MDN1: variants seen among roughly 807,000 people sequenced by gnomAD.
MDN1 encodes midasin AAA ATPase 1, also known as midasin.
In MDN1, 266 loss-of-function variants were observed where a neutral mutation model predicts 669.2. That is an observed-to-expected ratio of 0.40 (90% CI 0.36 to 0.44). The LOEUF is 0.44. Among genes scored for constraint, MDN1 ranks in the 20% least tolerant of loss-of-function variants. The pLI, the probability that MDN1 is intolerant of heterozygous loss-of-function variation, is 1.00. For missense variants in MDN1, 5,940 were observed against 6,754.0 expected (o/e 0.88, Z 4.22); for synonymous variants, 2,385 against 2,457.1 (o/e 0.97, Z 0.87).
intron 9 of MDN1, among the ~76,000 whole-genome samples, chr6:89,783,425 G>A (rs144475717): frequency 4.5e-4 from 69 of 152,082 alleles, no homozygotes; most frequent in African/African-American, 1.4e-3. Context: ...TGGTCAGACC[G>A]GTCTGTTGTT....
Position 89,785,066 on chromosome 6 carries a change from G to A in MDN1, c.1395C>T (p.Asp465=). Residue 465 remains aspartate (D), a synonymous_variant, in exon 9 of 102, where the codon GAC becomes GAT. Coordinates refer to ENST00000369393, the MANE Select transcript of MDN1 (RefSeq NM_014611.3). ...RPLNSHATLL[D]KYWTKIHLDN... ...CCAGGTGAATTTTGGTCCAATATTT[G>A]TCTAGCAAAGTAGCATGACTGTTTA... 2 of 1,614,046 alleles carry A rather than the reference G, an allele frequency of 1.2e-6. No homozygotes were observed. Among genetic ancestry groups the A allele is most frequent in the Non-Finnish European group, 1.7e-6 (2 of 1,179,942 alleles).
intron 19 of MDN1, 103 bp from the exon 20 acceptor site, chr6:89,756,493 G>T: frequency 1.7e-6 from 1 of 577,536 alleles, no homozygotes; most frequent in Non-Finnish European, 3.0e-6. Context: ...CATTTTAACT[G>T]CTTGTAGTAT....
In MDN1 at chr6:89,675,544, C is replaced by T. The variant is rs764754487; in HGVS notation, c.12681G>A (p.Gly4227=). The T allele has an allele frequency of 1.2e-5, 19 of 1,613,882 alleles. No individual in the cohort carries two copies. Among genetic ancestry groups the T allele is most frequent in the Non-Finnish European group, 1.6e-5 (19 of 1,180,024 alleles). The stretch of plus-strand genomic sequence containing the variant: ...GCATCTTCATCAAATGTGCTGAGAA[C>T]CCTCTGCACCTCTCCACGTTGCCCA... ...MGMGNVERCR[G]FSAHLMKMLV... The change falls in exon 78 of 102, where the codon GGG becomes GGA. Residue 4227 remains glycine (G), a synonymous_variant. Transcript: ENST00000369393.
chr6:89,724,728 G>A (rs1019253664), intron 38 of MDN1, among the ~76,000 whole-genome samples: 2 of 152,132 alleles, frequency 1.3e-5, no homozygotes. Flanking sequence ...ACATACACAG[G>A]TACCCCTCTG....
rs1186513297 is a variant in MDN1 at position 89,648,039 on chromosome 6, A to G, written c.16388T>C (p.Ile5463Thr). ...LCKFQQKKTK[I>T]AQFLESVANM... ...TTTATTTCATCCTCTTACCTGAGCA[A>G]TCTTGGTTTTCTTTTGTTGGAATTT... Residue 5463 changes from isoleucine (I) to threonine (T), a missense_variant, in exon 99 of 102, where the codon ATT (isoleucine) becomes ACT (threonine). Coordinates refer to ENST00000369393, the MANE Select transcript of MDN1 (RefSeq NM_014611.3). 1.9e-6 allele frequency: 3 copies of G among 1,610,298 alleles called. 1 individual carries two copies. Among genetic ancestry groups the G allele is most frequent in the Middle Eastern group, 3.3e-4 (2 of 6,054 alleles).
intron 65 of MDN1, 59 bp downstream of exon 65, chr6:89,689,811 A>G (rs954400655): frequency 1.9e-6 from 3 of 1,539,566 alleles, no homozygotes; most frequent in Non-Finnish European, 2.7e-6. Context: ...GAGTAGCAAC[A>G]GCATCTATTT....
rs574691657 is a variant in MDN1 at position 89,683,057 on chromosome 6, C to T, written c.12102+75G>A. On this transcript the variant is annotated intron_variant, in intron 73 of 101. Coordinates refer to ENST00000369393, the MANE Select transcript of MDN1 (RefSeq NM_014611.3). ...GGCATTTTCTTGTCTAGTACTGAGGCATGCCTTGCACATAAAACACAGATC... is the reference window on the plus strand; with the variant it reads ...GGCATTTTCTTGTCTAGTACTGAGGTATGCCTTGCACATAAAACACAGATC... 4.1e-5 allele frequency: 58 copies of T among 1,428,942 alleles called. 1 individual carries two copies. In the South Asian group the frequency reaches 5.6e-4, roughly 14 times the overall value. The allele number at this position is 1,428,942 out of a possible 1,614,324, so 88.5% of individuals were successfully genotyped here.
chr6:89,644,071 A>C lies in MDN1; in HGVS notation c.16725T>G (p.Leu5575=), dbSNP rs1263794242. 1 of 1,614,064 alleles carries C rather than the reference A, an allele frequency of 6.2e-7. No individual in the cohort carries two copies. Among genetic ancestry groups the C allele is most frequent in the Middle Eastern group, 1.7e-4 (1 of 6,060 alleles). ...YYIILRDVNA[L]PETLSDALRQ... ...TGAGGGCATCGCTGAGTGTCTCAGG[A>C]AGTGCGTTTACATCTCGAAGAATGA... Residue 5575 remains leucine (L), a synonymous_variant, in exon 102 of 102, where the codon CTT becomes CTG. Transcript: ENST00000369393.
intron 19 of MDN1, 95 bp downstream of exon 19, chr6:89,758,160 G>A (rs576642847): frequency 3.2e-6 from 3 of 936,060 alleles, no homozygotes; most frequent in Non-Finnish European, 5.0e-6. Flanking sequence ...CCGGGGACTT[G>A]CAGTGAGCCA....
At chr6:89,693,345 T>C (rs768198381) in intron 62 of MDN1, among the ~76,000 whole-genome samples, 197 bp from the exon 63 acceptor site, 15 of 152,228 alleles carry the variant, frequency 9.9e-5, no homozygotes, top group Non-Finnish European at 1.6e-4. Flanking sequence ...TACTGTGTCA[T>C]GTATGTTGCT....
chr6:89,797,509 C>G (rs1447107245), intron 2 of MDN1: 3 of 260,860 alleles, frequency 1.2e-5, no homozygotes, highest in Admixed American at 5.0e-5. Context: ...GGCTGCAACC[C>G]CTGGGCTGGG....
intron 68 of MDN1, 123 bp from the exon 69 acceptor site, chr6:89,687,146 G>A (rs1185940037): frequency 1.4e-6 from 2 of 1,405,462 alleles, no homozygotes; most frequent in Non-Finnish European, 1.9e-6. Context: ...GAGCCACCCA[G>A]TTTCCTCCCT....
intron 12 of MDN1, 26 bp downstream of exon 12, chr6:89,776,573 AG>A (rs1276089657): frequency 6.4e-7 from 1 of 1,552,134 alleles, no homozygotes; most frequent in East Asian, 2.2e-5. Context: ...TCCTTTCAAC[AG>A]GGAAGTAAAA....
intron 23 of MDN1, 30 bp from the exon 24 acceptor site, chr6:89,750,562 A>T: frequency 6.4e-7 from 1 of 1,571,318 alleles, no homozygotes; most frequent in Non-Finnish European, 8.7e-7. Flanking sequence ...TAAGCAACTT[A>T]AAACAACAAA....
chr6:89,803,868 A>ACCG (rs1171009194), intron 1 of MDN1, among the ~76,000 whole-genome samples: 7 of 140,718 alleles, frequency 5.0e-5, no homozygotes, highest in Middle Eastern at 4.1e-3. Flanking sequence ...GGCGTGAGCC[A>ACCG]CCGCGCCCGG....
intron 39 of MDN1, 135 bp from the exon 40 acceptor site, chr6:89,723,278 C>G (rs1316824580): frequency 1.1e-6 from 1 of 900,116 alleles, no homozygotes; most frequent in Admixed American, 2.6e-5. Flanking sequence ...GCCTCTTTCT[C>G]AAGACTTCCA....
rs981359279 is a variant in MDN1 at position 89,774,950 on chromosome 6, T to G, written c.1822-217A>C. Among the ~76,000 whole-genome samples, 7 of 152,322 alleles carry G rather than the reference T, an allele frequency of 4.6e-5. No homozygotes were observed. The South Asian group carries it at 1.2e-3, about 27-fold the overall frequency. ...TTATCATGTTTCCCTAAAATGGTAC[T>G]TTTCAAATAAGCCCTACCTATATAT... On this transcript the variant is annotated intron_variant, in intron 12 of 101. Transcript: ENST00000369393.
chr6:89,770,639 G>A (rs985037325), intron 15 of MDN1, among the ~76,000 whole-genome samples: 10 of 151,906 alleles, frequency 6.6e-5, no homozygotes, highest in African/African-American at 2.2e-4. Context: ...CTAGTAGCTG[G>A]GACTACAGCA....
At chr6:89,812,562 G>A (rs1768505142) in intron 1 of MDN1, among the ~76,000 whole-genome samples, 1 of 152,022 alleles carries the variant, frequency 6.6e-6, no homozygotes, top group Admixed American at 6.6e-5. Flanking sequence ...AACATATTGA[G>A]TTTTTACTGT....
Sources: allele counts gnomAD v4.1 joint callset (sites outside exome capture counted in the v4.1 genomes callset), GRCh38; gene constraint gnomAD v4.1.1; transcripts MANE v1.5; gene names NCBI Gene and HGNC (gene_info 2026-07-23, HGNC 2026-07-21).